BOC: variants seen among roughly 807,000 people sequenced by gnomAD.
BOC encodes BOC cell adhesion associated, oncogene regulated.
Under a neutral mutation model 112.0 loss-of-function variants are expected in BOC, and 76 were observed. The observed-to-expected ratio is 0.68, with a 90% CI of 0.56 to 0.82. The LOEUF is 0.82. Ranked by LOEUF, BOC falls within the 40% of genes least tolerant of loss-of-function variation. The probability of loss-of-function intolerance (pLI) is 0.00; values close to 1 mark genes in which losing one functional copy is unlikely to be tolerated. For missense variants in BOC, 1,309 were observed against 1,511.7 expected, an observed-to-expected ratio of 0.87 and a Z score of 2.22; for synonymous variants, 580 against 599.8, an observed-to-expected ratio of 0.97 and a Z score of 0.48.
chr3:113,267,696 G>C lies in BOC; in HGVS notation c.377-603G>C, dbSNP rs16860752. Among the ~76,000 whole-genome samples the C allele has an allele frequency of 6.1e-3, 922 of 152,296 alleles. 7 individuals are homozygous for C. The highest frequency in any genetic ancestry group is 0.02 in the African/African-American group (848 of 41,546). On this transcript the variant is annotated intron_variant, in intron 4 of 19. Transcript: ENST00000682979. ...AAGTGGAATCTCAGGCCTGTTACTT[G>C]TCATCGTGGATGCCTAAGGAGAACC...
In BOC at chr3:113,273,051, G is replaced by C; in HGVS notation, c.962-18G>C. 1 of 1,586,536 alleles carries C rather than the reference G, an allele frequency of 6.3e-7. No individual in the cohort carries two copies. The highest frequency in any genetic ancestry group is 1.3e-5 in the African/African-American group (1 of 74,598). The stretch of plus-strand genomic sequence containing the variant: ...AGAAAGACACAGCCCTTCTCACCCT[G>C]CTCTGGTTTCCTGGCAGAACCCCCT... On this transcript the variant is annotated intron_variant, in intron 7 of 19. Coordinates refer to ENST00000682979, the MANE Select transcript of BOC (RefSeq NM_001378074.1).
chr3:113,218,118 A>G (rs1939826199), intron 2 of BOC, among the ~76,000 whole-genome samples: 1 of 152,218 alleles, frequency 6.6e-6, no homozygotes, highest in Non-Finnish European at 1.5e-5. Context: ...TAAGAGGAAG[A>G]TAGCACACAG....
At chr3:113,277,427 A>G (rs1041389909) in intron 9 of BOC, among the ~76,000 whole-genome samples, 3 of 152,198 alleles carry the variant, frequency 2.0e-5, no homozygotes, top group Non-Finnish European at 4.4e-5. Flanking sequence ...TCTTCCCAGG[A>G]TAGGGTGCAA....
chr3:113,216,063 T>C (rs1939313152), intron 1 of BOC, 124 bp from the exon 2 acceptor site: 1 of 286,088 alleles, frequency 3.5e-6, no homozygotes, highest in South Asian at 3.2e-5. Context: ...TTCTACTGTT[T>C]TCTTATTTAT....
chr3:113,278,827 A>G lies in BOC; in HGVS notation c.1816+44A>G, dbSNP rs1157873299. On this transcript the variant is annotated intron_variant, in intron 11 of 19. Transcript: ENST00000682979. The surrounding 1 kb of genome is among the most constrained non-coding windows in gnomAD (Gnocchi z 4.2). ...GGACGGACGCGCAGTCAGGACTGGA[A>G]CTGCCTCAGAGGCCTGTTCCCATGG... 5.3e-6 allele frequency: 8 copies of G among 1,517,196 alleles called. No homozygotes were observed. Among genetic ancestry groups the G allele is most frequent in the Non-Finnish European group, 7.2e-6 (8 of 1,116,840 alleles). The allele number at this position is 1,517,196 out of a possible 1,614,324, so 94.0% of individuals were successfully genotyped here. A position where few individuals can be genotyped will look rare whatever the true frequency, so the allele number is the denominator to read the frequency against.
intron 4 of BOC, among the ~76,000 whole-genome samples, chr3:113,254,411 G>A (rs936384330): frequency 2.6e-5 from 4 of 152,196 alleles, no homozygotes; most frequent in Non-Finnish European, 5.9e-5. Context: ...CGGGAAGGTG[G>A]GTGGGGGCAA....
chr3:113,284,657 C>A, intron 17 of BOC, 90 bp downstream of exon 17: 1 of 1,522,514 alleles, frequency 6.6e-7, no homozygotes, highest in South Asian at 1.2e-5. Flanking sequence ...CTCCTAGGGT[C>A]TCAGGCTGGG....
Position 113,280,718 on chromosome 3 carries a change from C to A in BOC, c.2311+55C>A, listed in dbSNP as rs944943776. On this transcript the variant is annotated intron_variant, in intron 14 of 19. Transcript: ENST00000682979. ...TGCGTGATATAGTTTCCTCCGCTGG[C>A]ATGGGGGACAAGGTATTGGTGAAAT... 938 of 1,385,914 alleles carry A rather than the reference C, an allele frequency of 6.8e-4. 8 individuals are homozygous for A. Among genetic ancestry groups the A allele is most frequent in the Non-Finnish European group, 1.5e-4 (144 of 973,134 alleles). 85.9% of individuals were successfully genotyped at this position (1,385,914 alleles called of 1,614,324 possible).
At chr3:113,240,573 A>T (rs1215644358) in intron 2 of BOC, among the ~76,000 whole-genome samples, 3 of 152,158 alleles carry the variant, frequency 2.0e-5, no homozygotes, top group Non-Finnish European at 2.9e-5. Flanking sequence ...ATAGGATTAA[A>T]GTTTCAACTA....
chr3:113,284,976 G>A (rs1217280795), intron 18 of BOC, 118 bp downstream of exon 18: 29 of 863,396 alleles, frequency 3.4e-5, no homozygotes, highest in South Asian at 1.1e-4. Flanking sequence ...AGGGGTCCCC[G>A]TGACTGACAA....
Position 113,279,474 on chromosome 3 carries a change from C to T in BOC, c.2023+19C>T, listed in dbSNP as rs369146087. On this transcript the variant is annotated intron_variant, in intron 12 of 19. Transcript: ENST00000682979. ...GAGAAAGGTAGGGGCCTGGCCACAC[C>T]GTGGCCTTGGCCTGATCCCCCAGCT... 10 of 1,608,088 alleles carry T rather than the reference C, an allele frequency of 6.2e-6. No individual in the cohort carries two copies. Among genetic ancestry groups the T allele is most frequent in the Non-Finnish European group, 8.5e-6 (10 of 1,176,256 alleles).
At chr3:113,248,057 G>A (rs10511324) in intron 2 of BOC, among the ~76,000 whole-genome samples, 7,289 of 152,206 alleles carry the variant, frequency 0.048, 294 homozygotes, top group African/African-American at 0.11. Flanking sequence ...ACAAACCATC[G>A]GGAAAGAACT....
At chr3:113,253,827 G>A (rs888869422) in intron 4 of BOC, among the ~76,000 whole-genome samples, 5 of 152,280 alleles carry the variant, frequency 3.3e-5, no homozygotes, top group Non-Finnish European at 5.9e-5. Flanking sequence ...AATGAGATGC[G>A]CCTTTTAGCA....
chr3:113,264,547 T>C (rs1269766548), intron 4 of BOC, among the ~76,000 whole-genome samples: 1 of 152,198 alleles, frequency 6.6e-6, no homozygotes, highest in African/African-American at 2.4e-5. Flanking sequence ...CAAAGGGGCC[T>C]GGGAACAGGC....
intron 2 of BOC, among the ~76,000 whole-genome samples, chr3:113,222,721 C>T (rs769883474): frequency 2.6e-5 from 4 of 152,226 alleles, no homozygotes; most frequent in Admixed American, 6.5e-5. Context: ...GCCCAGCTCA[C>T]ACTCTCATAC....
At chr3:113,211,133 T>C (rs572848614), upstream of BOC, 4 of 152,388 alleles carry the variant, frequency 2.6e-5, no homozygotes, top group South Asian at 8.3e-4. Context: ...CAGTTTGTCT[T>C]GCAGAAGAAG....
chr3:113,211,013 G>A (rs1198976662), upstream of BOC: 1 of 152,236 alleles, frequency 6.6e-6, no homozygotes, highest in Non-Finnish European at 1.5e-5. Flanking sequence ...AACCGACCGA[G>A]GGGGTCGGGG....
chr3:113,217,223 A>G (rs1939579775), intron 2 of BOC, among the ~76,000 whole-genome samples: 1 of 152,188 alleles, frequency 6.6e-6, no homozygotes, highest in Admixed American at 6.5e-5. Flanking sequence ...GTCCGTTAAG[A>G]AAGACTTCTT....
rs552159473 is a variant in BOC at position 113,272,852 on chromosome 3, T to C, written c.961+149T>C. The stretch of plus-strand genomic sequence containing the variant: ...AACAGGCATGCTGAAGAGTCAGGGC[T>C]CTTCGGATCCCAGAGTAAGAGCACG... On this transcript the variant is annotated intron_variant, in intron 7 of 19. Coordinates refer to ENST00000682979, the MANE Select transcript of BOC (RefSeq NM_001378074.1). 210 of 1,132,410 alleles carry C rather than the reference T, an allele frequency of 1.9e-4. No homozygotes were observed. The African/African-American group carries it at 2.9e-3, about 16-fold the overall frequency. The allele number at this position is 1,132,410 out of a possible 1,614,324, so 70.1% of individuals were successfully genotyped here.
Sources: gnomAD v4.1 joint callset for allele counts (sites outside exome capture counted in the v4.1 genomes callset) on GRCh38, gnomAD v4.1.1 for gene constraint, Gnocchi (gnomAD v3.1) non-coding constraint, MANE v1.5 for transcripts, NCBI Gene and HGNC (gene_info 2026-07-23, HGNC 2026-07-21) for gene names.